The following RGS7 variants were observed in gnomAD, a reference collection of about 807,000 sequenced individuals.
RGS7 encodes the protein regulator of G-protein signaling 7.
RGS7 carries 27 observed loss-of-function variants against 81.1 expected under a neutral mutation model. The observed-to-expected ratio is 0.33, with a 90% CI of 0.25 to 0.46. The LOEUF (loss-of-function observed/expected upper bound fraction) is 0.46. Ranked by LOEUF, RGS7 falls within the 20% of genes least tolerant of loss-of-function variation. The pLI is 1.00. For missense variants in RGS7, 396 were observed against 607.4 expected (o/e 0.65, Z 3.66); for synonymous variants, 208 against 207.7 (o/e 1.00, Z -0.01).
intron 2 of RGS7, among the ~76,000 whole-genome samples, chr1:241,276,645 G>C (rs2078209730): frequency 6.6e-6 from 1 of 152,014 alleles, no homozygotes; most frequent in Non-Finnish European, 1.5e-5. Context: ...AGACAATCAG[G>C]GTGTATTGAG....
At chr1:241,173,501 C>T (rs1052468296) in intron 2 of RGS7, among the ~76,000 whole-genome samples, 1 of 152,094 alleles carries the variant, frequency 6.6e-6, no homozygotes, top group African/African-American at 2.4e-5. Flanking sequence ...CTGAAAACTA[C>T]CTGCCAAACA....
chr1:241,315,104 CTTCTT>C (rs2080789612), intron 2 of RGS7, among the ~76,000 whole-genome samples: 14 of 34,142 alleles, frequency 4.1e-4, no homozygotes, highest in East Asian at 2.6e-3. Flanking sequence ...TTTTCTTCTT[CTTCTT>C]TTTTTTTTTT....
At chr1:241,150,661 A>AG (rs1220213426) in intron 2 of RGS7, among the ~76,000 whole-genome samples, 3 of 152,234 alleles carry the variant, frequency 2.0e-5, no homozygotes, top group African/African-American at 7.2e-5. Flanking sequence ...TGTATTAGTC[A>AG]GTGTTCTCCA....
At chr1:240,885,014 G>A (rs1196370982) in intron 6 of RGS7, among the ~76,000 whole-genome samples, 2 of 152,160 alleles carry the variant, frequency 1.3e-5, no homozygotes, top group Non-Finnish European at 1.5e-5. Flanking sequence ...ATCTGACAAA[G>A]GTCTACTATC....
rs565866339 is a variant in RGS7 at position 240,896,460 on chromosome 1, A to G, written c.386-26341T>C. 3.9e-3 allele frequency among the ~76,000 whole-genome samples: 592 copies of G among 151,544 alleles called. 5 individuals are homozygous for G. Among genetic ancestry groups the G allele is most frequent in the African/African-American group, 0.014 (579 of 40,820 alleles). On this transcript the variant is annotated intron_variant, in intron 6 of 18. Transcript: ENST00000440928. ...TAATCCATCTTGAAATAATTTTTGT[A>G]TAAGGTGTAAGGAAGGGATCCAGTT...
chr1:241,335,624 G>T (rs2082201606), intron 2 of RGS7, among the ~76,000 whole-genome samples: 1 of 151,920 alleles, frequency 6.6e-6, no homozygotes, highest in Admixed American at 6.6e-5. Flanking sequence ...GATGTGTTAG[G>T]TCCTATTGGA....
chr1:241,336,945 T>C (rs2082277301), intron 2 of RGS7, among the ~76,000 whole-genome samples: 1 of 152,132 alleles, frequency 6.6e-6, no homozygotes, highest in African/African-American at 2.4e-5. Context: ...CTTAAACACA[T>C]GGGCTTCAGA....
At chr1:241,286,011 C>T (rs2148423291) in intron 2 of RGS7, among the ~76,000 whole-genome samples, 1 of 152,286 alleles carries the variant, frequency 6.6e-6, no homozygotes, top group South Asian at 2.1e-4. Flanking sequence ...AATCATCGTC[C>T]CTGTGTTTAT....
At position 241,190,060 on chromosome 1, in the gene RGS7, G is replaced by A. The variant is rs59303036; in HGVS notation, c.79-91298C>T. Among the ~76,000 whole-genome samples, 606 of 151,936 alleles carry A rather than the reference G, an allele frequency of 4.0e-3. 13 individuals carry two copies. The highest frequency in any genetic ancestry group is 0.039 in the East Asian group (199 of 5,154). ...GGAGCTTGCAGTGAGCCGAGATGGC[G>A]CCACTGCACTCCAGCCTGGGCGACA... On this transcript the variant is annotated intron_variant, in intron 2 of 18. Transcript: ENST00000440928.
chr1:241,207,408 C>T (rs2073987191), intron 2 of RGS7, among the ~76,000 whole-genome samples: 1 of 148,218 alleles, frequency 6.7e-6, no homozygotes, highest in Admixed American at 6.9e-5. Flanking sequence ...TGATATCATG[C>T]AGACCGATAG....
chr1:240,856,201 C>T (rs1044412504), intron 9 of RGS7, among the ~76,000 whole-genome samples: 12 of 152,194 alleles, frequency 7.9e-5, no homozygotes, highest in African/African-American at 2.9e-4. Context: ...GTGATTTATT[C>T]TGCTGTCTTT....
intron 3 of RGS7, among the ~76,000 whole-genome samples, chr1:241,026,255 A>T (rs1001123203): frequency 6.6e-6 from 1 of 152,172 alleles, no homozygotes; most frequent in African/African-American, 2.4e-5. Context: ...AATGTAAGGT[A>T]TTTTCTACAT....
At position 240,994,812 on chromosome 1, in the gene RGS7, T is replaced by C. The variant is rs376611000; in HGVS notation, c.176-11683A>G. Among the ~76,000 whole-genome samples the C allele has an allele frequency of 1.1e-4, 17 of 152,174 alleles. 1 individual carries two copies. The highest frequency in any genetic ancestry group is 3.3e-4 in the Admixed American group (5 of 15,262). On this transcript the variant is annotated intron_variant, in intron 3 of 18. Coordinates refer to ENST00000440928, the MANE Select transcript of RGS7 (RefSeq NM_001364886.1). Reference sequence around the variant, plus strand: ...ATTACTATTATTATTTGAGACTGTGTCTCCCTCTATTGTCCATGCTTGGCT... The same window carrying C: ...ATTACTATTATTATTTGAGACTGTGCCTCCCTCTATTGTCCATGCTTGGCT...
At chr1:241,118,969 A>C (rs529265049) in intron 2 of RGS7, among the ~76,000 whole-genome samples, 1 of 152,284 alleles carries the variant, frequency 6.6e-6, no homozygotes, top group East Asian at 1.9e-4. Flanking sequence ...GTATACTAGA[A>C]GCCTACTTTC....
chr1:241,068,758 T>C (rs1020124474), intron 3 of RGS7, among the ~76,000 whole-genome samples: 2 of 152,140 alleles, frequency 1.3e-5, no homozygotes, highest in African/African-American at 2.4e-5. Flanking sequence ...AGCTTAGACG[T>C]TGATATAGTT....
intron 2 of RGS7, among the ~76,000 whole-genome samples, chr1:241,263,507 G>A (rs946921689): frequency 5.3e-5 from 8 of 152,096 alleles, no homozygotes; most frequent in Admixed American, 3.9e-4. Context: ...GCTTATTTTG[G>A]CAACAGGTGG....
chr1:240,906,165 C>A (rs1670776936), intron 6 of RGS7, among the ~76,000 whole-genome samples: 1 of 152,108 alleles, frequency 6.6e-6, no homozygotes, highest in Non-Finnish European at 1.5e-5. Context: ...AAGTTCACAA[C>A]AAGGCTGTGT....
At chr1:241,334,365 T>C (rs2082128721) in intron 2 of RGS7, among the ~76,000 whole-genome samples, 1 of 152,106 alleles carries the variant, frequency 6.6e-6, no homozygotes, top group South Asian at 2.1e-4. Context: ...GCAATGGGGA[T>C]GGGGAAACTC....
intron 4 of RGS7, among the ~76,000 whole-genome samples, chr1:240,982,258 A>G (rs1685020381): frequency 6.6e-6 from 1 of 151,882 alleles, no homozygotes; most frequent in Non-Finnish European, 1.5e-5. Context: ...CGACTCTACT[A>G]AAAATACAAA....
Sources: allele counts gnomAD v4.1 joint callset (sites outside exome capture counted in the v4.1 genomes callset), GRCh38; gene constraint gnomAD v4.1.1; transcripts MANE v1.5; gene names NCBI Gene and HGNC (gene_info 2026-07-23, HGNC 2026-07-21).